Variants in SLC10A4 observed in about 807,000 individuals in gnomAD.
SLC10A4 encodes the protein solute carrier family 10 member 4.
SLC10A4 carries 17 observed loss-of-function variants against 22.5 expected under a neutral mutation model. The observed-to-expected ratio is 0.76, with a 90% confidence interval of 0.52 to 1.14. SLC10A4 has a LOEUF of 1.14. Among genes scored for constraint, SLC10A4 ranks in the 50% most tolerant of loss-of-function variants. The pLI is 0.00. For missense variants in SLC10A4, 548 were observed against 584.0 expected (o/e 0.94, Z 0.64); for synonymous variants, 257 against 258.2 (o/e 1.00, Z 0.04).
intron 2 of SLC10A4, among the ~76,000 whole-genome samples, chr4:48,488,077 C>T (rs1718312430): frequency 6.6e-6 from 1 of 151,628 alleles, no homozygotes; most frequent in African/African-American, 2.4e-5. Context: ...GCTGGGATTA[C>T]AGGTGTGAGC....
In SLC10A4 at chr4:48,488,156, G is replaced by A. The variant is rs145542587; in HGVS notation, c.802-271G>A. On this transcript the variant is annotated intron_variant, in intron 2 of 2. Coordinates refer to ENST00000273861, the MANE Select transcript of SLC10A4 (RefSeq NM_152679.4). ...TGTTTTTGAAGAGCTGGTCTCTGTC[G>A]CTCCTGAGAGCCTATATCCAACTCA... is the stretch of plus-strand genomic sequence containing the variant. 2.6e-3 allele frequency among the ~76,000 whole-genome samples: 397 copies of A among 150,312 alleles called. 3 individuals are homozygous for A. Among genetic ancestry groups the A allele is most frequent in the African/African-American group, 8.9e-3 (361 of 40,738 alleles).
chr4:48,488,182 A>G (rs1476171565), intron 2 of SLC10A4, among the ~76,000 whole-genome samples: 5 of 150,550 alleles, frequency 3.3e-5, no homozygotes, highest in Middle Eastern at 3.4e-3. Flanking sequence ...ATCCAACTCA[A>G]TGGCTAGAGG....
intron 2 of SLC10A4, among the ~76,000 whole-genome samples, chr4:48,485,934 G>GA (rs1256781815): frequency 1.3e-5 from 2 of 151,788 alleles, no homozygotes; most frequent in Non-Finnish European, 2.9e-5. Context: ...TTGACTGGAG[G>GA]AAAAAAAATC....
In SLC10A4 at chr4:48,484,916, A is replaced by G; in HGVS notation, c.591-16A>G. ...TCAAAGCTCGTTCTGATTTCTGCAC[A>G]TTCCCTTTTCTGCAGCATCATCATG... On this transcript the variant is annotated splice_polypyrimidine_tract_variant and intron_variant, in intron 1 of 2. Coordinates refer to ENST00000273861, the MANE Select transcript of SLC10A4 (RefSeq NM_152679.4). 1 of 1,607,880 alleles carries G rather than the reference A, an allele frequency of 6.2e-7. No homozygotes were observed. Among genetic ancestry groups the G allele is most frequent in the Non-Finnish European group, 8.5e-7 (1 of 1,176,014 alleles).
rs1261051389 is a variant in SLC10A4 at position 48,483,746 on chromosome 4, C to T, written c.185C>T (p.Pro62Leu). ...CCGAGCTTCGGCTTCAGCCCCGGCC[C>T]CACTCCGACCCCGGAGCCCACGACC... ...PGPSFGFSPG[P>L]TPTPEPTTSG... is the part of the protein sequence containing the mutation. The change falls in exon 1 of 3, where the codon CCC becomes CTC. Residue 62 changes from proline (P) to leucine (L), a missense_variant. Around this residue, in one of 3 missense-constraint regions of SLC10A4, gnomAD observed 225 missense variants for 206.9 expected, o/e 1.09. Transcript: ENST00000273861. This position sits in a 1 kb window ranked among gnomAD's most constrained non-coding sequence, Gnocchi z 5.4. The T allele has an allele frequency of 1.4e-6, 2 of 1,466,720 alleles. No homozygotes were observed. The highest frequency in any genetic ancestry group is 1.3e-5 in the South Asian group (1 of 74,794). 90.9% of individuals were successfully genotyped at this position (1,466,720 alleles called of 1,614,324 possible). A position where few individuals can be genotyped will look rare whatever the true frequency, so the allele number is the denominator to read the frequency against.
intron 2 of SLC10A4, among the ~76,000 whole-genome samples, chr4:48,486,307 C>T (rs894647759): frequency 6.6e-6 from 1 of 151,870 alleles, no homozygotes; most frequent in Non-Finnish European, 1.5e-5. Flanking sequence ...TGTATGTGTA[C>T]ATGTAAATAT....
intron 1 of SLC10A4, 110 bp downstream of exon 1, chr4:48,484,261 A>T: frequency 8.9e-7 from 1 of 1,118,794 alleles, no homozygotes; most frequent in Non-Finnish European, 1.2e-6. Flanking sequence ...TTAGGCGTGG[A>T]GGAAGGAGGA....
At position 48,488,566 on chromosome 4, in the gene SLC10A4, C is replaced by T. The variant is rs1256033811; in HGVS notation, c.941C>T (p.Ser314Leu). ...AIFMPLAGYA[S>L]GYGLATLFHL... The stretch of plus-strand genomic sequence containing the variant: ...TTTATGCCTTTGGCAGGCTACGCTT[C>T]AGGTTATGGTTTAGCTACTCTCTTC... The change falls in exon 3 of 3, where the codon TCA becomes TTA. Residue 314 changes from serine to leucine, a missense_variant. Coordinates refer to ENST00000273861, the MANE Select transcript of SLC10A4 (RefSeq NM_152679.4). 4 of 1,613,792 alleles carry T rather than the reference C, an allele frequency of 2.5e-6. No individual in the cohort carries two copies. The African/African-American group carries it at 4.0e-5, about 16-fold the overall frequency.
intron 2 of SLC10A4, among the ~76,000 whole-genome samples, chr4:48,487,788 C>CTTTTTTTTTTTTTTTTTTTTT (rs35831946): frequency 2.5e-5 from 1 of 39,788 alleles, no homozygotes; most frequent in Admixed American, 3.9e-4. Context: ...TTTTGAAGAG[C>CTTTTTTTTTTTTTTTTTTTTT]TTTTTTTTTT....
In SLC10A4 at chr4:48,483,758, C is replaced by T; in HGVS notation, c.197C>T (p.Pro66Leu). Residue 66 changes from proline (P) to leucine (L), a missense_variant, in exon 1 of 3, where the codon CCG (proline) becomes CTG (leucine). This residue lies in a region of SLC10A4 where 225 missense variants were observed against 206.9 expected (regional missense o/e 1.09). Transcript: ENST00000273861. The surrounding 1 kb of genome is among the most constrained non-coding windows in gnomAD (Gnocchi z 5.4). The stretch of plus-strand genomic sequence containing the variant: ...TTCAGCCCCGGCCCCACTCCGACCC[C>T]GGAGCCCACGACCAGCGGCCTCGCG... Reference protein sequence around the residue: ...FGFSPGPTPTPEPTTSGLAGG... With the variant: ...FGFSPGPTPTLEPTTSGLAGG... The T allele has an allele frequency of 8.8e-6, 13 of 1,479,894 alleles. No homozygotes were observed. Among genetic ancestry groups the T allele is most frequent in the Non-Finnish European group, 1.2e-5 (13 of 1,121,182 alleles). 91.7% of individuals were successfully genotyped at this position (1,479,894 alleles called of 1,614,324 possible). A position where few individuals can be genotyped will look rare whatever the true frequency, so the allele number is the denominator to read the frequency against.
chr4:48,485,054 C>A lies in SLC10A4; in HGVS notation c.713C>A (p.Thr238Asn), dbSNP rs1718259427. 3 of 1,614,014 alleles carry A rather than the reference C, an allele frequency of 1.9e-6. No individual in the cohort carries two copies. The highest frequency in any genetic ancestry group is 2.5e-6 in the Non-Finnish European group (3 of 1,180,036). ...CAGTTACTACCCCTAGGGACCGTGA[C>A]CCTGACTCTCTGCAGCACTCTCATA... ...IVQLLPLGTV[T>N]LTLCSTLIPI... The change falls in exon 2 of 3, where the codon ACC becomes AAC. Residue 238 changes from threonine to asparagine, a missense_variant. Transcript: ENST00000273861.
At chr4:48,486,242 G>A (rs1488816776) in intron 2 of SLC10A4, among the ~76,000 whole-genome samples, 4 of 151,862 alleles carry the variant, frequency 2.6e-5, no homozygotes, top group Non-Finnish European at 4.4e-5. Flanking sequence ...ATATATCCAG[G>A]CTTGAGTAAA....
intron 2 of SLC10A4, 104 bp from the exon 3 acceptor site, chr4:48,488,323 T>G: frequency 3.9e-6 from 4 of 1,014,086 alleles, no homozygotes; most frequent in Non-Finnish European, 4.2e-6. Context: ...AAGGTCTCCA[T>G]TTTGTGTTGG....
intron 2 of SLC10A4, 131 bp from the exon 3 acceptor site, chr4:48,488,296 T>C: frequency 2.5e-6 from 2 of 814,254 alleles, no homozygotes; most frequent in Non-Finnish European, 3.7e-6. Flanking sequence ...CTGCCCATCT[T>C]CAGAAATATT....
At chr4:48,485,267 A>C in intron 2 of SLC10A4, 125 bp downstream of exon 2, 1 of 950,782 alleles carries the variant, frequency 1.1e-6, no homozygotes, top group Non-Finnish European at 1.6e-6. Context: ...AGTTGCATGG[A>C]TAAAATTTTT....
At chr4:48,487,788 CTTTTTTTTTTTTTT>C (rs35831946) in intron 2 of SLC10A4, among the ~76,000 whole-genome samples, 11 of 39,788 alleles carry the variant, frequency 2.8e-4, no homozygotes, top group Admixed American at 1.2e-3. Flanking sequence ...TTTTGAAGAG[CTTTTTTTTTTTTTT>C]TTTTTTTTTT....
chr4:48,484,235 A>G, intron 1 of SLC10A4, 84 bp downstream of exon 1: 1 of 1,346,288 alleles, frequency 7.4e-7, no homozygotes. Context: ...GGACAGAGGC[A>G]GTGGAGGGGT....
Position 48,488,451 on chromosome 4 carries a change from A to G in SLC10A4, c.826A>G (p.Thr276Ala). ...GGTTTCCCTGTGGTCTCTGCTAGTG[A>G]CTCTGGTGGTCCTTTTCATAATGAC... ...VKVSLWSLLVTLVVLFIMTGT... is the reference protein window; with the variant it reads ...VKVSLWSLLVALVVLFIMTGT... Residue 276 changes from threonine (T) to alanine (A), a missense_variant, in exon 3 of 3, where the codon ACT becomes GCT. Physicochemically the swap from Thr to Ala is moderately conservative, Grantham distance 58 (BLOSUM62 0). This residue lies in a region of SLC10A4 where 314 missense variants were observed against 353.2 expected (regional missense o/e 0.89). Transcript: ENST00000273861. 3 of 1,607,224 alleles carry G rather than the reference A, an allele frequency of 1.9e-6. No homozygotes were observed. The highest frequency in any genetic ancestry group is 2.6e-6 in the Non-Finnish European group (3 of 1,176,080).
In SLC10A4 at chr4:48,488,903, TATA is replaced by T. The variant is rs764149411; in HGVS notation, c.1284_1286del (p.Ile428del). On this transcript the variant is annotated inframe_deletion, in exon 3 of 3. Transcript: ENST00000273861. ...CCTATGGCACAGTGAAAGCAGAAAA[TATA>T]ATAATGATGGAAACCGCTCAGACTT... is the stretch of plus-strand genomic sequence containing the variant. 3.5e-5 allele frequency: 56 copies of T among 1,606,816 alleles called. 1 individual carries two copies. In the Admixed American group the frequency reaches 4.3e-4, roughly 12 times the overall value.
Sources: allele counts gnomAD v4.1 joint callset (sites outside exome capture counted in the v4.1 genomes callset), GRCh38; gene constraint gnomAD v4.1.1; regional missense constraint gnomAD v4.1.1; non-coding constraint Gnocchi (gnomAD v3.1); transcripts MANE v1.5; gene names NCBI Gene and HGNC (gene_info 2026-07-23, HGNC 2026-07-21).